SNX29: variants seen among roughly 807,000 people sequenced by gnomAD.
SNX29 encodes the protein sorting nexin 29.
A neutral mutation model predicts 102.1 loss-of-function variants in SNX29; 78 were observed. The observed-to-expected ratio is 0.76, with a 90% CI of 0.64 to 0.92. The LOEUF is 0.92. SNX29 is among the 40% of genes least tolerant of loss of function. SNX29 has a pLI of 0.00. For missense variants in SNX29, 1,280 were observed against 1,061.7 expected (o/e 1.21, Z -2.86); for synonymous variants, 580 against 414.5 (o/e 1.40, Z -4.85).
chr16:12,168,915 G>T (rs1567272705), intron 13 of SNX29, among the ~76,000 whole-genome samples: 1 of 152,152 alleles, frequency 6.6e-6, no homozygotes, highest in Non-Finnish European at 1.5e-5. Context: ...CAGAACCTTG[G>T]CACCTGGGTT....
chr16:12,245,874 G>C (rs749235673), intron 14 of SNX29, among the ~76,000 whole-genome samples: 15 of 152,182 alleles, frequency 9.9e-5, no homozygotes, highest in Non-Finnish European at 1.9e-4. Flanking sequence ...AGGCACTGGG[G>C]CTGCAGGTTA....
At chr16:12,455,354 C>A (rs1383631268) in intron 18 of SNX29, among the ~76,000 whole-genome samples, 1 of 152,074 alleles carries the variant, frequency 6.6e-6, no homozygotes, top group Admixed American at 6.5e-5. Flanking sequence ...TTTTTGAGAA[C>A]CTCCAGCATT....
At chr16:12,470,381 T>A (rs964284913) in intron 18 of SNX29, among the ~76,000 whole-genome samples, 3 of 152,216 alleles carry the variant, frequency 2.0e-5, no homozygotes, top group African/African-American at 7.2e-5. Flanking sequence ...TGGGGTCTGA[T>A]CCTTGCAGGG....
At chr16:12,452,854 G>A (rs768181531) in intron 18 of SNX29, among the ~76,000 whole-genome samples, 2 of 152,236 alleles carry the variant, frequency 1.3e-5, no homozygotes, top group East Asian at 3.9e-4. Flanking sequence ...GTTCAAGTTG[G>A]GTTTTAAAAT....
intron 18 of SNX29, among the ~76,000 whole-genome samples, chr16:12,459,777 G>A (rs1156275410): frequency 2.0e-5 from 3 of 152,170 alleles, no homozygotes; most frequent in East Asian, 3.9e-4. Context: ...TGCCCCTCAG[G>A]AGGCCCAGCA....
intron 4 of SNX29, among the ~76,000 whole-genome samples, chr16:12,036,060 T>A (rs1195174207): frequency 6.6e-6 from 1 of 152,120 alleles, no homozygotes; most frequent in African/African-American, 2.4e-5. Flanking sequence ...ATTTTCTTTG[T>A]GTGTGGGTTT....
rs557393969 is a variant in SNX29 at position 12,362,812 on chromosome 16, A to G, written c.1899+6533A>G. Among the ~76,000 whole-genome samples, 10 of 152,150 alleles carry G rather than the reference A, an allele frequency of 6.6e-5. 1 individual carries two copies. In the South Asian group the frequency reaches 1.2e-3, roughly 19 times the overall value. On this transcript the variant is annotated intron_variant, in intron 16 of 20. Coordinates refer to ENST00000566228, the MANE Select transcript of SNX29 (RefSeq NM_032167.5). ...CCTGTCTTAATGTCATGTTACATTG[A>G]TTTATCACTGATCAGTGTTATCTTT...
chr16:12,323,121 T>C (rs36197737), intron 15 of SNX29, among the ~76,000 whole-genome samples: 197 of 51,980 alleles, frequency 3.8e-3, no homozygotes, highest in Non-Finnish European at 7.4e-3. Flanking sequence ...TGTCAGGATG[T>C]GGTCACTGGA....
intron 19 of SNX29, among the ~76,000 whole-genome samples, chr16:12,519,026 A>C (rs1487316311): frequency 5.3e-5 from 8 of 152,144 alleles, no homozygotes; most frequent in Non-Finnish European, 1.2e-4. Flanking sequence ...GGCTGCCAGG[A>C]CGGGGAGCAG....
chr16:12,290,548 C>T (rs995105804), intron 15 of SNX29, among the ~76,000 whole-genome samples: 1 of 152,140 alleles, frequency 6.6e-6, no homozygotes, highest in African/African-American at 2.4e-5. Flanking sequence ...TCCTTCATGA[C>T]CTCTGGTACC....
chr16:12,391,510 A>G (rs1174405962), intron 16 of SNX29, among the ~76,000 whole-genome samples: 2 of 152,168 alleles, frequency 1.3e-5, no homozygotes, highest in Non-Finnish European at 2.9e-5. Context: ...TTTTAAAAGC[A>G]ATTATATGAA....
chr16:12,285,673 A>G lies in SNX29; in HGVS notation c.1782+7637A>G, dbSNP rs1276274261. Among the ~76,000 whole-genome samples the G allele has an allele frequency of 2.6e-5, 4 of 152,200 alleles. No individual in the cohort carries two copies. In the East Asian group the frequency reaches 7.7e-4, roughly 29 times the overall value. ...TACACCACCAGTGCCTGCCTCATAAATTGGCACCAATGGGTTCCAACACTT... is the reference window on the plus strand; with the variant it reads ...TACACCACCAGTGCCTGCCTCATAAGTTGGCACCAATGGGTTCCAACACTT... On this transcript the variant is annotated intron_variant, in intron 15 of 20. Transcript: ENST00000566228.
At chr16:12,444,880 G>A (rs2151688464) in intron 18 of SNX29, among the ~76,000 whole-genome samples, 1 of 137,480 alleles carries the variant, frequency 7.3e-6, no homozygotes, top group South Asian at 2.3e-4. Flanking sequence ...CACTCTGACA[G>A]AGTCTCAGTC....
chr16:12,492,565 T>C lies in SNX29; in HGVS notation c.2178+14706T>C, dbSNP rs1469128661. 2.0e-5 allele frequency among the ~76,000 whole-genome samples: 3 copies of C among 152,194 alleles called. No homozygotes were observed. In the East Asian group the frequency reaches 5.8e-4, roughly 29 times the overall value. ...TCCCATTTGTCAATTTTGGCTTTTG[T>C]TGCCATTGCTTTTGGTGTTTTAGAC... On this transcript the variant is annotated intron_variant, in intron 19 of 20. Coordinates refer to ENST00000566228, the MANE Select transcript of SNX29 (RefSeq NM_032167.5).
intron 13 of SNX29, among the ~76,000 whole-genome samples, chr16:12,154,346 AC>A (rs34528134): frequency 0.22 from 32,896 of 151,446 alleles, 3,674 homozygotes; most frequent in Middle Eastern, 0.25. Flanking sequence ...CCGTTCTGAG[AC>A]CCCCCACAGT....
intron 14 of SNX29, among the ~76,000 whole-genome samples, chr16:12,231,120 T>G (rs2077757093): frequency 6.6e-6 from 1 of 152,162 alleles, no homozygotes. Context: ...CCCAAAGTGC[T>G]GGAATTACAG....
Position 12,572,295 on chromosome 16 carries a change from T to C in SNX29, c.*3666T>C. 4 of 962,616 alleles carry C rather than the reference T, an allele frequency of 4.2e-6. No individual in the cohort carries two copies. Among genetic ancestry groups the C allele is most frequent in the Non-Finnish European group, 4.8e-6 (4 of 837,508 alleles). The allele number at this position is 962,616 out of a possible 1,614,324, so 59.6% of individuals were successfully genotyped here. On this transcript the variant is annotated 3_prime_UTR_variant, in exon 21 of 21. Coordinates refer to ENST00000566228, the MANE Select transcript of SNX29 (RefSeq NM_032167.5). ...TGCAACTAACAAGTACTGGGGCCAG[T>C]GATCACAATCCAGGTTGGAAACAGG...
At chr16:12,461,216 T>C (rs932885789) in intron 18 of SNX29, among the ~76,000 whole-genome samples, 8 of 152,180 alleles carry the variant, frequency 5.3e-5, no homozygotes, top group Non-Finnish European at 1.0e-4. Flanking sequence ...TCCAAACTAT[T>C]GGCTCAGCTC....
At chr16:12,537,464 A>G (rs2077127145) in intron 20 of SNX29, among the ~76,000 whole-genome samples, 1 of 149,816 alleles carries the variant, frequency 6.7e-6, no homozygotes, top group African/African-American at 2.4e-5. Flanking sequence ...CTGCCTCAGC[A>G]TCCTCATCTA....
Sources: allele counts gnomAD v4.1 joint callset (sites outside exome capture counted in the v4.1 genomes callset), GRCh38; gene constraint gnomAD v4.1.1; transcripts MANE v1.5; gene names NCBI Gene and HGNC (gene_info 2026-07-23, HGNC 2026-07-21).